Variants in FAT3 observed in about 807,000 individuals in gnomAD.
The protein encoded by FAT3 is FAT atypical cadherin 3, also known as protocadherin Fat 3.
Under a neutral mutation model 310.2 loss-of-function variants are expected in FAT3, and 95 were observed. The ratio of observed to expected loss-of-function variants is 0.31; its 90% CI spans 0.26 to 0.36. The LOEUF (loss-of-function observed/expected upper bound fraction) is 0.36. FAT3 is among the 10% of genes least tolerant of loss of function. The pLI, the probability that FAT3 is intolerant of heterozygous loss-of-function variation, is 1.00. For synonymous variants in FAT3, 2,314 were observed against 2,192.9 expected (o/e 1.06, Z -1.54); for missense variants, 5,408 against 5,715.6 (o/e 0.95, Z 1.74).
At chr11:92,880,185 G>A (rs906976623) in intron 22 of FAT3, among the ~76,000 whole-genome samples, 2 of 151,162 alleles carry the variant, frequency 1.3e-5, no homozygotes, top group African/African-American at 4.9e-5. Flanking sequence ...GCTGGGCAAA[G>A]GCTGGAATTC....
chr11:92,834,122 G>A (rs1159287363), intron 14 of FAT3, among the ~76,000 whole-genome samples: 1 of 152,206 alleles, frequency 6.6e-6, no homozygotes, highest in Non-Finnish European at 1.5e-5. Context: ...CAGAATGCAG[G>A]ATTGGGTTAC....
intron 2 of FAT3, among the ~76,000 whole-genome samples, chr11:92,452,314 T>G (rs1022114755): frequency 2.6e-5 from 4 of 152,188 alleles, no homozygotes; most frequent in Non-Finnish European, 5.9e-5. Flanking sequence ...TCGGACTGTT[T>G]ATAAAGATTA....
intron 2 of FAT3, among the ~76,000 whole-genome samples, chr11:92,411,839 T>C (rs929010241): frequency 6.6e-6 from 1 of 152,094 alleles, no homozygotes; most frequent in Non-Finnish European, 1.5e-5. Flanking sequence ...ATGGTGATCA[T>C]ATTTTGTATA....
chr11:92,258,383 C>T (rs1016414528), intron 1 of FAT3, among the ~76,000 whole-genome samples: 2 of 152,064 alleles, frequency 1.3e-5, no homozygotes, highest in Non-Finnish European at 2.9e-5. Flanking sequence ...AAAGTGCTGT[C>T]ATATTCAAAC....
At position 92,453,387 on chromosome 11, in the gene FAT3, T is replaced by A. The variant is rs149927337; in HGVS notation, c.3293-71247T>A. On this transcript the variant is annotated intron_variant, in intron 2 of 27. Transcript: ENST00000525166. ...ATTCCCCTTTCTTTGAGTCTTTTCC[T>A]TGTTTTAGTCAGCTTTCCAAGTTCT... 1.6e-3 allele frequency among the ~76,000 whole-genome samples: 240 copies of A among 152,294 alleles called. 3 individuals carry two copies. The East Asian group carries it at 0.035, about 22-fold the overall frequency.
intron 25 of FAT3, among the ~76,000 whole-genome samples, chr11:92,888,409 G>C (rs1949843566): frequency 6.6e-6 from 1 of 152,166 alleles, no homozygotes. Flanking sequence ...AATGATGCCT[G>C]GTTAACTGTT....
intron 22 of FAT3, among the ~76,000 whole-genome samples, chr11:92,875,483 A>G (rs755213177): frequency 1.2e-4 from 18 of 151,040 alleles, no homozygotes; most frequent in African/African-American, 4.4e-4. Context: ...TGCCTCTTCT[A>G]TAGCGTGCTT....
chr11:92,809,999 A>G lies in FAT3; in HGVS notation c.9404A>G (p.His3135Arg), dbSNP rs1481531672. The G allele has an allele frequency of 1.2e-6, 2 of 1,613,924 alleles. No individual in the cohort carries two copies. Among genetic ancestry groups the G allele is most frequent in the South Asian group, 2.2e-5 (2 of 91,080 alleles). The change falls in exon 13 of 28, where the codon CAC (histidine) becomes CGC (arginine). Residue 3135 changes from histidine to arginine, a missense_variant. Coordinates refer to ENST00000525166, the MANE Select transcript of FAT3 (RefSeq NM_001367949.2). ...AACCCCCCTGTGTTTTCTTCTGACC[A>G]CTACAACACCTGTGTCTATGAGAAC... is the stretch of plus-strand genomic sequence containing the variant. ...NDNPPVFSSD[H>R]YNTCVYENTA...
chr11:92,226,776 C>CCCG (rs1409396172), intron 1 of FAT3, among the ~76,000 whole-genome samples: 3 of 152,108 alleles, frequency 2.0e-5, no homozygotes, highest in Admixed American at 6.5e-5. Flanking sequence ...CCAGCTCCAT[C>CCCG]CCGCCGCCGC....
intron 3 of FAT3, among the ~76,000 whole-genome samples, chr11:92,647,730 G>A (rs949712653): frequency 1.2e-4 from 19 of 152,122 alleles, no homozygotes; most frequent in Middle Eastern, 3.4e-3. Context: ...TCAATTAAAT[G>A]GAATTTCCTC....
At chr11:92,420,330 T>G in intron 2 of FAT3, among the ~76,000 whole-genome samples, 1 of 152,350 alleles carries the variant, frequency 6.6e-6, no homozygotes, top group Admixed American at 6.5e-5. Context: ...TACATCATGG[T>G]TTCTGCTTTC....
intron 1 of FAT3, among the ~76,000 whole-genome samples, chr11:92,301,725 C>G (rs1403041856): frequency 6.6e-6 from 1 of 151,822 alleles, no homozygotes; most frequent in East Asian, 1.9e-4. Context: ...CACAGTTATT[C>G]CAGGGGAATA....
intron 2 of FAT3, among the ~76,000 whole-genome samples, chr11:92,411,149 T>TTATATATATATAATATATATATAAATTA: frequency 7.2e-6 from 1 of 138,306 alleles, no homozygotes; most frequent in East Asian, 2.0e-4. Context: ...TATATATAAA[T>TTATATATATATAATATATATATAAATTA]TATATATATA....
chr11:92,861,487 A>G (rs1949122296), intron 21 of FAT3, among the ~76,000 whole-genome samples: 1 of 152,224 alleles, frequency 6.6e-6, no homozygotes, highest in Non-Finnish European at 1.5e-5. Context: ...TGAAACAAGC[A>G]TGTTTCTGAA....
At chr11:92,451,798 T>G (rs1484503820) in intron 2 of FAT3, among the ~76,000 whole-genome samples, 1 of 152,194 alleles carries the variant, frequency 6.6e-6, no homozygotes, top group Non-Finnish European at 1.5e-5. Context: ...GTAGGCTACA[T>G]TAACTTTGTT....
intron 19 of FAT3, among the ~76,000 whole-genome samples, chr11:92,848,302 T>C (rs1474904087): frequency 1.3e-5 from 2 of 152,190 alleles, no homozygotes; most frequent in African/African-American, 4.8e-5. Flanking sequence ...ACAAGCATCG[T>C]GTCTGAACAA....
chr11:92,306,486 A>G (rs1947120066), intron 1 of FAT3, among the ~76,000 whole-genome samples: 1 of 130,260 alleles, frequency 7.7e-6, no homozygotes, highest in Non-Finnish European at 1.6e-5. Flanking sequence ...ACTTATATAT[A>G]TATTTATATT....
intron 3 of FAT3, among the ~76,000 whole-genome samples, chr11:92,665,056 A>C (rs1792357): frequency 6.6e-6 from 1 of 152,048 alleles, no homozygotes; most frequent in East Asian, 1.9e-4. Flanking sequence ...GCTGATCTGC[A>C]CTCACGTTCC....
At chr11:92,432,712 G>A (rs1019307776) in intron 2 of FAT3, among the ~76,000 whole-genome samples, 6 of 152,126 alleles carry the variant, frequency 3.9e-5, no homozygotes, top group African/African-American at 9.7e-5. Context: ...CAGGAGGCAC[G>A]GGGTCAGGGA....
Sources: allele counts gnomAD v4.1 joint callset (sites outside exome capture counted in the v4.1 genomes callset), GRCh38; gene constraint gnomAD v4.1.1; transcripts MANE v1.5; gene names NCBI Gene and HGNC (gene_info 2026-07-23, HGNC 2026-07-21).